The following ERICH3 variants were observed in gnomAD, a reference collection of about 807,000 sequenced individuals.
ERICH3 encodes the protein glutamate-rich protein 3.
ERICH3 carries 126 observed loss-of-function variants against 131.1 expected under a neutral mutation model. That is an observed-to-expected ratio of 0.96 (90% CI 0.83 to 1.11). ERICH3 has a LOEUF of 1.11. Ranked by LOEUF, ERICH3 falls within the 50% of genes most tolerant of loss-of-function variation. The probability of loss-of-function intolerance (pLI) is 0.00; values close to 1 mark genes in which losing one functional copy is unlikely to be tolerated. For synonymous variants in ERICH3, 695 were observed against 644.6 expected (o/e 1.08, Z -1.18); for missense variants, 2,050 against 1,810.7 (o/e 1.13, Z -2.40).
At chr1:74,663,462 T>C (rs1370396317) in intron 1 of ERICH3, among the ~76,000 whole-genome samples, 1 of 152,080 alleles carries the variant, frequency 6.6e-6, no homozygotes, top group Non-Finnish European at 1.5e-5. Flanking sequence ...CAAACTTGTC[T>C]TCCTTGCCTA....
At chr1:74,624,227 T>A (rs904644889) in intron 7 of ERICH3, 2 of 152,176 alleles carry the variant, frequency 1.3e-5, no homozygotes, top group African/African-American at 4.8e-5. Context: ...GAAAACTGAT[T>A]CACAGTGTCT....
At chr1:74,602,138 T>C (rs1445997308) in intron 10 of ERICH3, among the ~76,000 whole-genome samples, 2 of 151,868 alleles carry the variant, frequency 1.3e-5, no homozygotes, top group Non-Finnish European at 2.9e-5. Context: ...ATTACAGTTA[T>C]ATAATTGAGG....
chr1:74,658,111 T>C (rs542190049), intron 1 of ERICH3, among the ~76,000 whole-genome samples: 131 of 152,250 alleles, frequency 8.6e-4, no homozygotes, highest in Non-Finnish European at 1.4e-3. Flanking sequence ...TGTAGAGTGG[T>C]TAGATAACTA....
intron 8 of ERICH3, among the ~76,000 whole-genome samples, chr1:74,615,970 G>A (rs1177916341): frequency 1.3e-5 from 2 of 152,100 alleles, no homozygotes; most frequent in Non-Finnish European, 2.9e-5. Flanking sequence ...GCCTGTGACT[G>A]TAGTTTGGGT....
intron 8 of ERICH3, among the ~76,000 whole-genome samples, chr1:74,618,508 A>G (rs905722447): frequency 1.3e-5 from 2 of 152,220 alleles, no homozygotes; most frequent in African/African-American, 4.8e-5. Flanking sequence ...AGGGATTCTA[A>G]GAAAGCCAGA....
Position 74,612,694 on chromosome 1 carries a change from T to A in ERICH3, c.1116A>T (p.Lys372Asn). The change falls in exon 9 of 15, where the codon AAA (lysine) becomes AAT (asparagine). Residue 372 changes from lysine to asparagine, a missense_variant. Transcript: ENST00000326665. ...LSSCCEYKHR[K>N]GSRLGGKRGY... is the part of the protein sequence containing the mutation. ...CTCGTTTGCCTCCAAGCCTGGAACCTTTCCGATGCTTGTATTCACAACAGG... is the reference window on the plus strand; with the variant it reads ...CTCGTTTGCCTCCAAGCCTGGAACCATTCCGATGCTTGTATTCACAACAGG... 6.2e-7 allele frequency: 1 copy of A among 1,603,700 alleles called. No homozygotes were observed. The highest frequency in any genetic ancestry group is 8.5e-7 in the Non-Finnish European group (1 of 1,172,122).
At chr1:74,601,028 T>G (rs1462612183) in intron 10 of ERICH3, among the ~76,000 whole-genome samples, 1 of 151,140 alleles carries the variant, frequency 6.6e-6, no homozygotes, top group Admixed American at 6.6e-5. Context: ...ATGAGGGAGA[T>G]GTAAGGGGAA....
intron 7 of ERICH3, among the ~76,000 whole-genome samples, chr1:74,629,756 A>C (rs549409124): frequency 1.1e-4 from 17 of 152,314 alleles, no homozygotes; most frequent in South Asian, 2.1e-4. Context: ...TGTGACCCAA[A>C]GATTCTATTC....
intron 13 of ERICH3, among the ~76,000 whole-genome samples, chr1:74,575,364 A>C (rs1351765843): frequency 3.3e-5 from 5 of 152,250 alleles, no homozygotes; most frequent in Non-Finnish European, 7.3e-5. Flanking sequence ...GTCTATCAAT[A>C]GGGCTGAGGT....
At chr1:74,644,521 G>T (rs895621283) in intron 3 of ERICH3, among the ~76,000 whole-genome samples, 2 of 152,024 alleles carry the variant, frequency 1.3e-5, no homozygotes, top group African/African-American at 4.8e-5. Flanking sequence ...CCTCTTGAAG[G>T]TTCCTTTTCA....
At chr1:74,630,642 A>G (rs187738640) in intron 7 of ERICH3, among the ~76,000 whole-genome samples, 1 of 152,256 alleles carries the variant, frequency 6.6e-6, no homozygotes, top group African/African-American at 2.4e-5. Context: ...AAAAGATAAA[A>G]CAGAAGTCTA....
intron 3 of ERICH3, 150 bp downstream of exon 3, chr1:74,646,517 T>A: frequency 2.1e-6 from 1 of 476,546 alleles, no homozygotes; most frequent in Non-Finnish European, 3.4e-6. Flanking sequence ...GCAGAAAGAA[T>A]CTCTCTTTTT....
rs114447634 is a variant in ERICH3 at position 74,669,779 on chromosome 1, G to T, written c.23+3718C>A. Among the ~76,000 whole-genome samples the T allele has an allele frequency of 2.0e-3, 311 of 152,304 alleles. 1 individual carries two copies. The highest frequency in any genetic ancestry group is 6.8e-3 in the African/African-American group (283 of 41,574). ...GCCCTTTGCAATTTTTACATCAAGT[G>T]CTTCATGCTGTAATTAAGTAAGCAA... On this transcript the variant is annotated intron_variant, in intron 1 of 14. Coordinates refer to ENST00000326665, the MANE Select transcript of ERICH3 (RefSeq NM_001002912.5).
At position 74,646,735 on chromosome 1, in the gene ERICH3, G is replaced by A. The variant is rs148353946; in HGVS notation, c.175C>T (p.Arg59Trp). ...TCCCGGATATATTTTTGATGATCCC[G>A]CTTCATCATATTTAGTTTATATTCT... Reference protein sequence around the residue: ...EKEYKLNMMKRDHQKYIRECL... With the variant: ...EKEYKLNMMKWDHQKYIRECL... The change falls in exon 3 of 15, where the codon CGG (arginine) becomes TGG (tryptophan). Residue 59 changes from arginine to tryptophan, a missense_variant. By Grantham distance (101) the Arg-to-Trp change is moderately radical. Transcript: ENST00000326665. 164 of 1,502,106 alleles carry A rather than the reference G, an allele frequency of 1.1e-4. 1 individual carries two copies. The African/African-American group carries it at 1.5e-3, about 14-fold the overall frequency. 93.0% of individuals were successfully genotyped at this position (1,502,106 alleles called of 1,614,324 possible).
At chr1:74,646,069 T>C (rs980181906) in intron 3 of ERICH3, among the ~76,000 whole-genome samples, 1 of 150,940 alleles carries the variant, frequency 6.6e-6, no homozygotes, top group Non-Finnish European at 1.5e-5. Context: ...AGATATCCCA[T>C]TAAGATACCC....
intron 14 of ERICH3, among the ~76,000 whole-genome samples, chr1:74,570,812 G>T (rs930554727): frequency 6.6e-6 from 1 of 152,034 alleles, no homozygotes; most frequent in Non-Finnish European, 1.5e-5. Flanking sequence ...TCTCTTTGGG[G>T]GTCCTATCTG....
At chr1:74,671,608 A>G (rs776847639) in intron 1 of ERICH3, among the ~76,000 whole-genome samples, 1 of 152,232 alleles carries the variant, frequency 6.6e-6, no homozygotes, top group Non-Finnish European at 1.5e-5. Flanking sequence ...TTCCCCCAAT[A>G]AGTCCTCAAA....
chr1:74,594,273 C>CGTGT (rs10655150), intron 11 of ERICH3, among the ~76,000 whole-genome samples: 17,580 of 144,774 alleles, frequency 0.12, 1,217 homozygotes, highest in East Asian at 0.2. Flanking sequence ...AAAAATGGGG[C>CGTGT]GTGTGTGTGT....
intron 1 of ERICH3, among the ~76,000 whole-genome samples, chr1:74,660,906 C>A (rs1157669720): frequency 6.6e-6 from 1 of 151,636 alleles, no homozygotes; most frequent in Non-Finnish European, 1.5e-5. Context: ...CTCACATATT[C>A]TTTTCAATGT....
Sources: gnomAD v4.1 joint callset for allele counts (sites outside exome capture counted in the v4.1 genomes callset) on GRCh38, gnomAD v4.1.1 for gene constraint, MANE v1.5 for transcripts, NCBI Gene and HGNC (gene_info 2026-07-23, HGNC 2026-07-21) for gene names.